The following RYR1 variants were observed in gnomAD, a reference collection of about 807,000 sequenced individuals.
RYR1 encodes the protein ryanodine receptor 1.
In RYR1, 342 loss-of-function variants were observed where a neutral mutation model predicts 583.5. That is an observed-to-expected ratio of 0.59 (90% CI 0.54 to 0.64). The LOEUF is 0.64. Ranked by LOEUF, RYR1 falls within the 30% of genes least tolerant of loss-of-function variation. The probability of loss-of-function intolerance (pLI) is 0.00; values close to 1 mark genes in which losing one functional copy is unlikely to be tolerated. For missense variants in RYR1, 6,032 were observed against 6,917.2 expected, an observed-to-expected ratio of 0.87 and a Z score of 4.54; for synonymous variants, 2,791 against 2,822.5, an observed-to-expected ratio of 0.99 and a Z score of 0.35.
At chr19:38,470,438 GAAAA>G (rs543327525) in intron 27 of RYR1, among the ~76,000 whole-genome samples, 1 of 74,320 alleles carries the variant, frequency 1.3e-5, no homozygotes, top group South Asian at 4.3e-4. Flanking sequence ...CTGTCTCATT[GAAAA>G]AAAAAAAAAA....
intron 1 of RYR1, among the ~76,000 whole-genome samples, chr19:38,436,798 T>G (rs1239820974): frequency 1.3e-5 from 2 of 152,106 alleles, no homozygotes; most frequent in Non-Finnish European, 2.9e-5. Context: ...TGCTCCATTT[T>G]GCTTCGTTTG....
Position 38,457,645 on chromosome 19 carries a change from A to G in RYR1, c.1925+15A>G, listed in dbSNP as rs1967488857. 6.2e-7 allele frequency: 1 copy of G among 1,613,606 alleles called. No individual in the cohort carries two copies. The highest frequency in any genetic ancestry group is 1.3e-5 in the African/African-American group (1 of 74,894). ...TATGTCACCAGGTCTGGCTCTCAAC[A>G]TCTGACCCCAGAACTCAGAACCTCT... On this transcript the variant is annotated intron_variant, in intron 17 of 105. Coordinates refer to ENST00000359596, the MANE Select transcript of RYR1 (RefSeq NM_000540.3).
chr19:38,518,244 C>T (rs1032352247), intron 66 of RYR1, among the ~76,000 whole-genome samples: 1 of 151,790 alleles, frequency 6.6e-6, no homozygotes, highest in East Asian at 1.9e-4. Flanking sequence ...ATCCTCAAAG[C>T]GTTAGGTTTC....
intron 53 of RYR1, among the ~76,000 whole-genome samples, 190 bp from the exon 54 acceptor site, chr19:38,505,616 G>A (rs1970408672): frequency 6.6e-6 from 1 of 152,170 alleles, no homozygotes; most frequent in Non-Finnish European, 1.5e-5. Flanking sequence ...ACTTCTCGGA[G>A]ACTCAAGTGT....
At position 38,440,781 on chromosome 19, in the gene RYR1, C is replaced by T. The variant is rs1242495143; in HGVS notation, c.82C>T (p.Leu28Phe). The change falls in exon 2 of 106, where the codon CTC becomes TTC. Residue 28 changes from leucine to phenylalanine, a missense_variant. Leu to Phe is a conservative substitution (Grantham distance 22). Transcript: ENST00000359596. ...GGTCCTGCAGTGCAGCGCTACCGTG[C>T]TCAAGGAGCAGCTCAAGCTCTGCCT... ...EVVLQCSATV[L>F]KEQLKLCLAA... The T allele has an allele frequency of 3.7e-6, 6 of 1,609,088 alleles. No individual in the cohort carries two copies. The highest frequency in any genetic ancestry group is 4.5e-5 in the East Asian group (2 of 44,790).
At chr19:38,501,665 AG>A (rs1185026115) in intron 47 of RYR1, among the ~76,000 whole-genome samples, 1 of 152,134 alleles carries the variant, frequency 6.6e-6, no homozygotes, top group Non-Finnish European at 1.5e-5. Context: ...CAGTTTCAGC[AG>A]GGGACAGAAG....
At chr19:38,585,724 C>G (rs761111672) in intron 102 of RYR1, among the ~76,000 whole-genome samples, 18 of 151,934 alleles carry the variant, frequency 1.2e-4, no homozygotes, top group Non-Finnish European at 2.2e-4. Flanking sequence ...CTCAGATGAT[C>G]CGCCCACCTC....
Position 38,497,226 on chromosome 19 carries a change from T to G in RYR1, c.6891+272T>G, listed in dbSNP as rs11879442. Among the ~76,000 whole-genome samples, 28,148 of 151,726 alleles carry G rather than the reference T, an allele frequency of 0.19. 3,115 individuals are homozygous for G. Among genetic ancestry groups the G allele is most frequent in the African/African-American group, 0.3 (12,334 of 41,394 alleles). On this transcript the variant is annotated intron_variant, in intron 42 of 105. Coordinates refer to ENST00000359596, the MANE Select transcript of RYR1 (RefSeq NM_000540.3). ...TTCCGGGATGGGGGCGGATCCGCAC[T>G]CTAACTTCCAGGCTGGGGGCGGATC...
chr19:38,567,732 T>C (rs1284263062), intron 92 of RYR1, 41 bp from the exon 93 acceptor site: 3 of 1,614,178 alleles, frequency 1.9e-6, no homozygotes, highest in Non-Finnish European at 1.7e-6. Context: ...ATGCATTGCC[T>C]GCCCAGGCAC....
chr19:38,515,140 TGGGGCTGGA>T, intron 64 of RYR1, 33 bp downstream of exon 64: 1 of 1,116,336 alleles, frequency 9.0e-7, no homozygotes, highest in Non-Finnish European at 1.3e-6. Flanking sequence ...TGGGGCTGGG[TGGGGCTGGA>T]GGGGAAGGGA....
intron 89 of RYR1, among the ~76,000 whole-genome samples, chr19:38,558,808 A>G (rs115823321): frequency 7.4e-6 from 1 of 135,978 alleles, no homozygotes; most frequent in Non-Finnish European, 1.6e-5. Flanking sequence ...TTAAAAAAAT[A>G]GTCCAGGTGT....
At chr19:38,461,582 C>T (rs1040888056) in intron 20 of RYR1, among the ~76,000 whole-genome samples, 15 of 151,874 alleles carry the variant, frequency 9.9e-5, no homozygotes, top group African/African-American at 3.4e-4. Flanking sequence ...TAAAAGTTAG[C>T]TGAGGTGATG....
At chr19:38,505,185 T>G in intron 52 of RYR1, 104 bp downstream of exon 52, 1 of 1,196,712 alleles carries the variant, frequency 8.4e-7, no homozygotes, top group Non-Finnish European at 1.2e-6. Flanking sequence ...CCCCCCAGCC[T>G]TCCCTAAGAC....
chr19:38,573,297 C>T lies in RYR1; in HGVS notation c.14119C>T (p.Leu4707Phe). The T allele has an allele frequency of 6.2e-7, 1 of 1,613,512 alleles. No individual in the cohort carries two copies. Among genetic ancestry groups the T allele is most frequent in the Non-Finnish European group, 8.5e-7 (1 of 1,179,804 alleles). Residue 4707 changes from leucine (L) to phenylalanine (F), a missense_variant, in exon 96 of 106, where the codon CTC becomes TTC. This residue lies in a region of RYR1 where 188 missense variants were observed against 215.6 expected (regional missense o/e 0.87). Transcript: ENST00000359596. ...DVKGQWDRLV[L>F]NTPSFPSNYW... The stretch of plus-strand genomic sequence containing the variant: ...GAAGGGGCAGTGGGACCGACTGGTG[C>T]TCAACACGCCGTAAGGACCCAGCCC...
At chr19:38,450,280 G>C (rs1201347699) in intron 11 of RYR1, among the ~76,000 whole-genome samples, 1 of 152,168 alleles carries the variant, frequency 6.6e-6, no homozygotes, top group Non-Finnish European at 1.5e-5. Context: ...GGGGTCCTGA[G>C]GGTAGAGCCA....
At chr19:38,491,145 A>G (rs879126435) in intron 37 of RYR1, among the ~76,000 whole-genome samples, 2 of 152,152 alleles carry the variant, frequency 1.3e-5, no homozygotes, top group Admixed American at 6.5e-5. Flanking sequence ...ATTCCCTTGC[A>G]CATGATGAAT....
chr19:38,476,523 G>A (rs192744654), intron 29 of RYR1, among the ~76,000 whole-genome samples: 5 of 152,226 alleles, frequency 3.3e-5, no homozygotes, highest in African/African-American at 1.2e-4. Context: ...GGTAGAAACG[G>A]GGTTTCACCA....
chr19:38,584,945 T>C lies in RYR1; in HGVS notation c.14649T>C (p.Cys4883=), dbSNP rs779074975. The C allele has an allele frequency of 3.7e-6, 6 of 1,613,854 alleles. No individual in the cohort carries two copies. In the East Asian group the frequency reaches 1.3e-4, roughly 36 times the overall value. ...ACCAGTGTGCTCCCCTCCCTCAGTG[T>C]TACCTGTTTCACATGTACGTGGGTG... is the stretch of plus-strand genomic sequence containing the variant. ...PDMKCDDMMT[C]YLFHMYVGVR... Residue 4883 remains cysteine (C), a splice_region_variant and synonymous_variant, in exon 102 of 106, where the codon TGT becomes TGC. Transcript: ENST00000359596.
At chr19:38,554,066 G>C (rs992236900) in intron 89 of RYR1, among the ~76,000 whole-genome samples, 7 of 152,146 alleles carry the variant, frequency 4.6e-5, no homozygotes, top group African/African-American at 1.7e-4. Context: ...CACTGCACAA[G>C]GATGTCATTT....
Sources: allele counts gnomAD v4.1 joint callset (sites outside exome capture counted in the v4.1 genomes callset), GRCh38; gene constraint gnomAD v4.1.1; regional missense constraint gnomAD v4.1.1; transcripts MANE v1.5; gene names NCBI Gene and HGNC (gene_info 2026-07-23, HGNC 2026-07-21).